The following ZNF362 variants were observed in gnomAD, a reference collection of about 807,000 sequenced individuals.
ZNF362 encodes the protein rotund homolog.
ZNF362 carries 11 observed loss-of-function variants against 42.9 expected under a neutral mutation model. The observed-to-expected ratio is 0.26, with a 90% CI of 0.16 to 0.42. ZNF362 has a LOEUF of 0.42. Ranked by LOEUF, ZNF362 falls within the 20% of genes least tolerant of loss-of-function variation. ZNF362 has a pLI of 1.00. For synonymous variants in ZNF362, 255 were observed against 257.3 expected (o/e 0.99, Z 0.09); for missense variants, 362 against 576.2 (o/e 0.63, Z 3.81).
the ZNF362 span, among the ~76,000 whole-genome samples, chr1:33,194,275 C>T: frequency 6.6e-6 from 1 of 152,056 alleles, no homozygotes; most frequent in Admixed American, 6.6e-5. Flanking sequence ...GTGGCTCACA[C>T]CCGTAATCCC....
At chr1:33,283,745 C>T (rs1465560743) in intron 6 of ZNF362, among the ~76,000 whole-genome samples, 1 of 152,178 alleles carries the variant, frequency 6.6e-6, no homozygotes, top group Non-Finnish European at 1.5e-5. Context: ...GGTACAATGG[C>T]AGCAGGGCCA....
the ZNF362 span, chr1:33,181,560 C>T: frequency 7.1e-7 from 1 of 1,409,222 alleles, no homozygotes; most frequent in Non-Finnish European, 9.2e-7. The surrounding 1 kb of genome is among the most constrained non-coding windows in gnomAD (Gnocchi z 6.5). Flanking sequence ...GTAGGAGCTA[C>T]CGGAGAAGGG....
Position 33,280,336 on chromosome 1 carries a change from C to G in ZNF362, c.562C>G (p.Pro188Ala), listed in dbSNP as rs138130115. ...TIQGHGLLGP[P>A]KSERGRKKIK... ...CCAGGGCCACGGCCTGCTTGGCCCCCCCAAGTCCGAACGCGGCCGCAAAAA... is the reference window on the plus strand; with the variant it reads ...CCAGGGCCACGGCCTGCTTGGCCCCGCCAAGTCCGAACGCGGCCGCAAAAA... Residue 188 changes from proline to alanine, a missense_variant, in exon 5 of 9, where the codon CCC (proline) becomes GCC (alanine). Pro to Ala is a conservative substitution (Grantham distance 27). Coordinates refer to ENST00000539719, the MANE Select transcript of ZNF362 (RefSeq NM_152493.3). The surrounding 1 kb of genome is among the most constrained non-coding windows in gnomAD (Gnocchi z 5.6). 127 of 1,614,088 alleles carry G rather than the reference C, an allele frequency of 7.9e-5. No individual in the cohort carries two copies. In the African/African-American group the frequency reaches 1.3e-3, roughly 17 times the overall value.
At chr1:33,207,918 T>C in the ZNF362 span, among the ~76,000 whole-genome samples, 122 of 152,356 alleles carry the variant, frequency 8.0e-4, no homozygotes, top group African/African-American at 2.8e-3. Context: ...CTGATGATAG[T>C]TTCTTTTGCT....
At chr1:33,234,982 T>C in the ZNF362 span, among the ~76,000 whole-genome samples, 17 of 152,254 alleles carry the variant, frequency 1.1e-4, no homozygotes, top group South Asian at 2.1e-4. Flanking sequence ...AGGTCGATCA[T>C]TGGGCTTCCT....
the ZNF362 span, among the ~76,000 whole-genome samples, chr1:33,244,996 G>C: frequency 4.9e-4 from 74 of 152,320 alleles, 1 homozygote; most frequent in African/African-American, 1.7e-3. The surrounding 1 kb of genome is among the most constrained non-coding windows in gnomAD (Gnocchi z 4.0). Flanking sequence ...GCAGAAATTT[G>C]TTTTTGTCAG....
chr1:33,295,534 C>T (rs1646116458), intron 8 of ZNF362, among the ~76,000 whole-genome samples: 1 of 152,260 alleles, frequency 6.6e-6, no homozygotes, highest in African/African-American at 2.4e-5. Context: ...CTCCTGCTCA[C>T]CTTTAGCCTG....
chr1:33,220,084 G>C, the ZNF362 span, among the ~76,000 whole-genome samples: 3 of 152,132 alleles, frequency 2.0e-5, no homozygotes, highest in African/African-American at 7.2e-5. Flanking sequence ...CAGAGGGAGA[G>C]CGCAGTGGAG....
At chr1:33,182,379 G>C in the ZNF362 span, among the ~76,000 whole-genome samples, 1 of 152,362 alleles carries the variant, frequency 6.6e-6, no homozygotes, top group Non-Finnish European at 1.5e-5. Flanking sequence ...AAACGAACAA[G>C]AATATATTTG....
intron 1 of ZNF362, among the ~76,000 whole-genome samples, chr1:33,260,990 C>T (rs1645824610): frequency 6.6e-6 from 1 of 152,168 alleles, no homozygotes; most frequent in African/African-American, 2.4e-5. Flanking sequence ...CCTTATTTAG[C>T]ATCACAGAGG....
At chr1:33,260,454 A>G (rs1645821603) in intron 1 of ZNF362, among the ~76,000 whole-genome samples, 1 of 152,138 alleles carries the variant, frequency 6.6e-6, no homozygotes, top group African/African-American at 2.4e-5. Context: ...TTCTTGTTTC[A>G]CAGGTTTCTA....
the ZNF362 span, among the ~76,000 whole-genome samples, chr1:33,161,155 C>T: frequency 6.6e-6 from 1 of 152,220 alleles, no homozygotes; most frequent in South Asian, 2.1e-4. This position sits in a 1 kb window ranked among gnomAD's most constrained non-coding sequence, Gnocchi z 4.3. Flanking sequence ...GTGCGCACTC[C>T]AAGGCGCAGA....
In ZNF362 at chr1:33,276,246, G is replaced by T; in HGVS notation, c.102+83G>T. ...CCTGGGTTTTGGCTGTGGCCTGCGG[G>T]GAGCGGGGTGAGGAGCGAGGGGCTC... On this transcript the variant is annotated intron_variant, in intron 3 of 8. Transcript: ENST00000539719. The T allele has an allele frequency of 2.5e-6, 4 of 1,591,318 alleles. No individual in the cohort carries two copies. The Admixed American group carries it at 6.8e-5, about 27-fold the overall frequency.
At chr1:33,218,610 G>C in the ZNF362 span, among the ~76,000 whole-genome samples, 6 of 152,058 alleles carry the variant, frequency 3.9e-5, no homozygotes, top group Non-Finnish European at 5.9e-5. Context: ...CATTTATTTG[G>C]TTATTAGTGA....
chr1:33,257,408 C>CTCTT (rs372900265), intron 1 of ZNF362, among the ~76,000 whole-genome samples: 46 of 149,346 alleles, frequency 3.1e-4, no homozygotes, highest in Middle Eastern at 3.5e-3. Flanking sequence ...TGCTTTGCTT[C>CTCTT]TCTTTCTTTC....
chr1:33,275,707 C>A (rs1645939215), intron 2 of ZNF362, among the ~76,000 whole-genome samples: 1 of 152,146 alleles, frequency 6.6e-6, no homozygotes, highest in African/African-American at 2.4e-5. Context: ...TGCAGTCCTC[C>A]CCAGTTTGTC....
intron 1 of ZNF362, among the ~76,000 whole-genome samples, chr1:33,257,320 G>GA (rs55688188): frequency 1.3e-3 from 189 of 141,692 alleles, no homozygotes; most frequent in Non-Finnish European, 1.4e-3. Context: ...GCACTTTAAA[G>GA]AAAAAAAAAA....
chr1:33,253,150 C>G (rs1645770021), upstream of ZNF362, among the ~76,000 whole-genome samples: 1 of 149,606 alleles, frequency 6.7e-6, no homozygotes, highest in African/African-American at 2.5e-5. Context: ...GAATACCAGA[C>G]AGAGGGAACA....
At chr1:33,225,194 T>G in the ZNF362 span, among the ~76,000 whole-genome samples, 1 of 152,148 alleles carries the variant, frequency 6.6e-6, no homozygotes, top group African/African-American at 2.4e-5. Flanking sequence ...ACTTTTGCCC[T>G]CATCATCTTT....
Sources: gnomAD v4.1 joint callset for allele counts (sites outside exome capture counted in the v4.1 genomes callset) on GRCh38, gnomAD v4.1.1 for gene constraint, Gnocchi (gnomAD v3.1) non-coding constraint, MANE v1.5 for transcripts, NCBI Gene and HGNC (gene_info 2026-07-23, HGNC 2026-07-21) for gene names.